The following ANK2 variants were observed in gnomAD, a reference collection of about 807,000 sequenced individuals.
The protein encoded by ANK2 is ankyrin-2.
A neutral mutation model predicts 360.5 loss-of-function variants in ANK2; 83 were observed. That is an observed-to-expected ratio of 0.23 (90% CI 0.19 to 0.28). ANK2 has a LOEUF of 0.28. Ranked by LOEUF, ANK2 falls within the 10% of genes least tolerant of loss-of-function variation. The pLI, the probability that ANK2 is intolerant of heterozygous loss-of-function variation, is 1.00. For synonymous variants in ANK2, 1,740 were observed against 1,759.5 expected (o/e 0.99, Z 0.28); for missense variants, 4,201 against 4,795.7 (o/e 0.88, Z 3.66).
intron 36 of ANK2, among the ~76,000 whole-genome samples, chr4:113,349,337 G>A (rs558100503): frequency 2.6e-5 from 4 of 152,212 alleles, no homozygotes; most frequent in Admixed American, 6.5e-5. Context: ...TTAGTTATAT[G>A]TAAATGTTTT....
chr4:112,762,137 C>T, the ANK2 span, among the ~76,000 whole-genome samples: 1 of 152,110 alleles, frequency 6.6e-6, no homozygotes, highest in South Asian at 2.1e-4. Context: ...CTAAGATGCC[C>T]CAGTCAATCG....
In ANK2 at chr4:113,117,161, G is replaced by C. The variant is rs1315609551; in HGVS notation, c.85-57255G>C. On this transcript the variant is annotated intron_variant, in intron 1 of 45. Transcript: ENST00000357077. ...TCGGGGGCGGAGTGGATTATCTTGT[G>C]AGTGTTCTGGCTGCCAGCCATTGCC... 2.1e-5 allele frequency: 8 copies of C among 386,948 alleles called. No homozygotes were observed. In the East Asian group the frequency reaches 5.7e-4, roughly 28 times the overall value. The allele number at this position is 386,948 out of a possible 1,614,324, so 24.0% of individuals were successfully genotyped here.
At chr4:113,347,171 G>C (rs1184330692) in intron 35 of ANK2, among the ~76,000 whole-genome samples, 1 of 152,102 alleles carries the variant, frequency 6.6e-6, no homozygotes, top group Non-Finnish European at 1.5e-5. Flanking sequence ...AATTATTCTT[G>C]TAAATAGAGA....
intron 2 of ANK2, among the ~76,000 whole-genome samples, chr4:112,956,200 A>T (rs544266126): frequency 1.3e-5 from 2 of 152,318 alleles, no homozygotes; most frequent in South Asian, 4.1e-4. Flanking sequence ...TGTCTTTTTC[A>T]TCTTAACTAA....
At chr4:112,808,218 C>T in the ANK2 span, among the ~76,000 whole-genome samples, 14,066 of 152,214 alleles carry the variant, frequency 0.092, 901 homozygotes, top group African/African-American at 0.18. Context: ...AGACCACACA[C>T]ATTTGGAGTC....
chr4:112,912,257 A>G (rs2087873355), intron 2 of ANK2, among the ~76,000 whole-genome samples: 2 of 152,162 alleles, frequency 1.3e-5, no homozygotes, highest in Admixed American at 1.3e-4. Flanking sequence ...TTTCTGATGA[A>G]TATTTTTTAA....
In ANK2 at chr4:113,354,145, C is replaced by T. The variant is rs761560238; in HGVS notation, c.5527C>T (p.Pro1843Ser). 5 of 1,614,096 alleles carry T rather than the reference C, an allele frequency of 3.1e-6. No homozygotes were observed. The South Asian group carries it at 5.5e-5, about 18-fold the overall frequency. ...CTCTTCCGCAAAAACTGAAAGGCAC[C>T]CTCCAGTATCACCATCAAGTAAAAC... Reference protein sequence around the residue: ...LSSSAKTERHPPVSPSSKTEK... With the variant: ...LSSSAKTERHSPVSPSSKTEK... The change falls in exon 38 of 46, where the codon CCT becomes TCT. Residue 1843 changes from proline (P) to serine (S), a missense_variant. Pro to Ser is a moderately conservative substitution (Grantham distance 74). This residue lies in a region of ANK2 where 2,642 missense variants were observed against 2,714.5 expected (regional missense o/e 0.97). Coordinates refer to ENST00000357077, the MANE Select transcript of ANK2 (RefSeq NM_001148.6).
chr4:113,013,117 G>A (rs528034653), intron 2 of ANK2, among the ~76,000 whole-genome samples: 3 of 152,272 alleles, frequency 2.0e-5, no homozygotes, highest in East Asian at 3.9e-4. Flanking sequence ...ATTTTAAAGT[G>A]ATCCTAGCTA....
intron 2 of ANK2, among the ~76,000 whole-genome samples, chr4:112,939,413 G>A (rs926192611): frequency 6.6e-6 from 1 of 152,212 alleles, no homozygotes; most frequent in South Asian, 2.1e-4. Flanking sequence ...TTGTTCAAGC[G>A]ATTCTCCTGT....
chr4:112,973,734 G>T (rs2040406555), intron 2 of ANK2, among the ~76,000 whole-genome samples: 1 of 152,200 alleles, frequency 6.6e-6, no homozygotes, highest in East Asian at 1.9e-4. Context: ...CAGTCCAAAT[G>T]GTCATACTTT....
chr4:112,972,587 C>T (rs1345014481), intron 2 of ANK2, among the ~76,000 whole-genome samples: 1 of 151,970 alleles, frequency 6.6e-6, no homozygotes, highest in Non-Finnish European at 1.5e-5. Flanking sequence ...TAAGAGGTGC[C>T]CACGTACACG....
intron 1 of ANK2, among the ~76,000 whole-genome samples, chr4:113,065,834 T>C (rs1265201590): frequency 6.6e-6 from 1 of 152,208 alleles, no homozygotes; most frequent in African/African-American, 2.4e-5. Flanking sequence ...TTTCCCAATA[T>C]TTACTAATCA....
intron 17 of ANK2, 32 bp downstream of exon 17, chr4:113,278,590 A>T (rs1436898069): frequency 6.3e-7 from 1 of 1,585,502 alleles, no homozygotes; most frequent in African/African-American, 1.3e-5. Flanking sequence ...TTACAGGCAT[A>T]GGGTGTAACT....
In ANK2 at chr4:112,827,114, T is replaced by C; in HGVS notation, c.-40+8850T>C. The C allele has an allele frequency of 3.7e-6, 4 of 1,078,658 alleles. 1 individual carries two copies. In the South Asian group the frequency reaches 5.0e-5, roughly 13 times the overall value. The allele number at this position is 1,078,658 out of a possible 1,614,324, so 66.8% of individuals were successfully genotyped here. A position where few individuals can be genotyped will look rare whatever the true frequency, so the allele number is the denominator to read the frequency against. ...AAATTATGAAGCCTTCTAGAAAAAC[T>C]GACTGCAATTGCTCAGCATTGAATG... On this transcript the variant is annotated intron_variant, in intron 1 of 30. Transcript: ENST00000503271.
At chr4:113,104,766 C>G (rs9759975) in intron 1 of ANK2, among the ~76,000 whole-genome samples, 2 of 151,844 alleles carry the variant, frequency 1.3e-5, no homozygotes, top group African/African-American at 4.8e-5. Context: ...ACATGTATAA[C>G]TGGGAAAAAA....
intron 45 of ANK2, among the ~76,000 whole-genome samples, chr4:113,376,995 T>C (rs1436235048): frequency 1.3e-5 from 2 of 152,104 alleles, no homozygotes; most frequent in African/African-American, 4.8e-5. Context: ...CAATACCTCC[T>C]GAAGGACCTG....
At chr4:112,771,126 T>C in the ANK2 span, among the ~76,000 whole-genome samples, 2,717 of 152,320 alleles carry the variant, frequency 0.018, 96 homozygotes, top group African/African-American at 0.06. Context: ...ATTATTTTTT[T>C]TTCACGATGG....
At chr4:112,849,382 T>C (rs1271583684) in intron 1 of ANK2, among the ~76,000 whole-genome samples, 1 of 150,198 alleles carries the variant, frequency 6.7e-6, no homozygotes, top group Non-Finnish European at 1.5e-5. Context: ...AAATTCTCTT[T>C]TTCTTTTCTT....
chr4:113,109,211 C>G (rs2094003720), intron 1 of ANK2, among the ~76,000 whole-genome samples: 1 of 152,158 alleles, frequency 6.6e-6, no homozygotes, highest in African/African-American at 2.4e-5. Context: ...CTTTGGGGAA[C>G]CATAACTGCT....
Sources: gnomAD v4.1 joint callset for allele counts (sites outside exome capture counted in the v4.1 genomes callset) on GRCh38, gnomAD v4.1.1 for gene constraint, gnomAD v4.1.1 regional missense constraint, MANE v1.5 for transcripts, NCBI Gene and HGNC (gene_info 2026-07-23, HGNC 2026-07-21) for gene names.